Variants in OSMR observed in about 807,000 individuals in gnomAD.
OSMR encodes the protein oncostatin-M-specific receptor subunit beta.
A neutral mutation model predicts 99.9 loss-of-function variants in OSMR; 81 were observed. The observed-to-expected ratio is 0.81, with a 90% CI of 0.68 to 0.97. OSMR has a LOEUF of 0.97. OSMR is among the 50% of genes least tolerant of loss of function. The pLI is 0.00. For missense variants in OSMR, 1,099 were observed against 1,153.4 expected (o/e 0.95, Z 0.68); for synonymous variants, 406 against 410.4 (o/e 0.99, Z 0.13).
chr5:38,881,960 A>C (rs753353972), intron 4 of OSMR, among the ~76,000 whole-genome samples, 196 bp downstream of exon 4: 2 of 152,240 alleles, frequency 1.3e-5, no homozygotes, highest in African/African-American at 2.4e-5. Flanking sequence ...CTTGCTCCTG[A>C]ACTTACTCAT....
chr5:38,878,489 G>T lies in OSMR; in HGVS notation c.246+2116G>T, dbSNP rs528405895. Among the ~76,000 whole-genome samples the T allele has an allele frequency of 1.3e-4, 20 of 152,268 alleles. No individual in the cohort carries two copies. The South Asian group carries it at 3.9e-3, about 30-fold the overall frequency. On this transcript the variant is annotated intron_variant, in intron 3 of 17. Transcript: ENST00000274276. ...GGCCATTTGGAACCCTGAACTGCAT[G>T]GTCCTGCCCTCCTGGGTCATGGTCC...
At chr5:38,925,092 G>A in intron 14 of OSMR, 112 bp from the exon 15 acceptor site, 1 of 1,542,902 alleles carries the variant, frequency 6.5e-7, no homozygotes, top group Non-Finnish European at 8.7e-7. Context: ...AAACATGTTG[G>A]TGGTGCTGAG....
chr5:38,872,546 A>C (rs935502103), intron 2 of OSMR, among the ~76,000 whole-genome samples: 1 of 152,218 alleles, frequency 6.6e-6, no homozygotes, highest in African/African-American at 2.4e-5. Context: ...GAGGAATTGC[A>C]CATTCTGAGG....
At position 38,881,497 on chromosome 5, in the gene OSMR, T is replaced by C. The variant is rs180895008; in HGVS notation, c.247-96T>C. On this transcript the variant is annotated intron_variant, in intron 3 of 17. Transcript: ENST00000274276. ...ACTGGCACATATCGTGGACCTGCAA[T>C]GGGGTCTTAGGTTTGTGCTTTGGGA... 2.0e-4 allele frequency: 319 copies of C among 1,609,542 alleles called. 1 individual carries two copies. In the African/African-American group the frequency reaches 3.7e-3, roughly 19 times the overall value.
intron 7 of OSMR, among the ~76,000 whole-genome samples, chr5:38,889,840 T>C (rs1744036545): frequency 6.6e-6 from 1 of 152,224 alleles, no homozygotes; most frequent in African/African-American, 2.4e-5. Flanking sequence ...TGTTTTCTTC[T>C]ACTTTCTTGG....
chr5:38,911,185 G>A (rs2112586092), intron 9 of OSMR, among the ~76,000 whole-genome samples: 1 of 152,192 alleles, frequency 6.6e-6, no homozygotes, highest in East Asian at 1.9e-4. Context: ...CATAGATCAC[G>A]ACCTAGACTA....
chr5:38,862,047 C>T (rs1438737223), intron 1 of OSMR, among the ~76,000 whole-genome samples: 35 of 89,508 alleles, frequency 3.9e-4, no homozygotes, highest in South Asian at 1.3e-3. Context: ...TAGGGGCGGC[C>T]GGGCAGAGGC....
intron 3 of OSMR, among the ~76,000 whole-genome samples, chr5:38,879,822 C>T (rs1293821403): frequency 6.6e-6 from 1 of 152,138 alleles, no homozygotes; most frequent in South Asian, 2.1e-4. Context: ...TGGGGTTTCA[C>T]CATGTTGGTC....
chr5:38,895,326 A>G (rs1744437351), intron 7 of OSMR, among the ~76,000 whole-genome samples: 1 of 152,114 alleles, frequency 6.6e-6, no homozygotes, highest in Non-Finnish European at 1.5e-5. Flanking sequence ...TTTTGAAAGG[A>G]TAAACAGGAT....
intron 3 of OSMR, among the ~76,000 whole-genome samples, chr5:38,880,072 T>C (rs1158608997): frequency 6.6e-6 from 1 of 152,134 alleles, no homozygotes; most frequent in African/African-American, 2.4e-5. Context: ...AAACACAGTC[T>C]GCAGAGAGTG....
chr5:38,862,511 T>C lies in OSMR; in HGVS notation c.-13-6521T>C, dbSNP rs866112194. On this transcript the variant is annotated intron_variant, in intron 1 of 17. Coordinates refer to ENST00000274276, the MANE Select transcript of OSMR (RefSeq NM_003999.3). ...GGTGGCTGCCGGGCGGAGGGGCTCC[T>C]CACTTCTCAGACGGGGCAGTTGCCG... Among the ~76,000 whole-genome samples, 141 of 150,174 alleles carry C rather than the reference T, an allele frequency of 9.4e-4. No individual in the cohort carries two copies. In the Middle Eastern group the frequency reaches 0.01, roughly 11 times the overall value.
intron 13 of OSMR, 62 bp from the exon 14 acceptor site, chr5:38,924,360 A>G: frequency 2.5e-6 from 4 of 1,611,540 alleles, no homozygotes; most frequent in Middle Eastern, 1.7e-4. Flanking sequence ...ATTAGTTGAC[A>G]TGAATATTCT....
chr5:38,932,330 T>C, intron 16 of OSMR, 133 bp from the exon 17 acceptor site: 2 of 721,104 alleles, frequency 2.8e-6, no homozygotes, highest in Non-Finnish European at 5.1e-6. Context: ...AATTAAAGCA[T>C]GGAAGAATTA....
chr5:38,877,105 C>T (rs1742900633), intron 3 of OSMR, among the ~76,000 whole-genome samples: 1 of 152,102 alleles, frequency 6.6e-6, no homozygotes, highest in African/African-American at 2.4e-5. Flanking sequence ...AATCTATATG[C>T]ACATAATGTT....
In OSMR at chr5:38,883,936, T is replaced by C. The variant is rs563322211; in HGVS notation, c.528T>C (p.Asn176=). 3 of 1,613,758 alleles carry C rather than the reference T, an allele frequency of 1.9e-6. No homozygotes were observed. Among genetic ancestry groups the C allele is most frequent in the East Asian group, 4.5e-5 (2 of 44,870 alleles). Reference sequence around the variant, plus strand: ...ACGTTTCTAGGAACATTCAAAATAATGTATCCTGTTATTTGGAAGGGAAAC... The same window carrying C: ...ACGTTTCTAGGAACATTCAAAATAACGTATCCTGTTATTTGGAAGGGAAAC... The part of the protein sequence containing the change: ...ICYVSRNIQN[N]VSCYLEGKQI... Residue 176 remains asparagine (N), a synonymous_variant, in exon 5 of 18, where the codon AAT becomes AAC. Transcript: ENST00000274276.
downstream of OSMR, chr5:38,938,392 AT>A (rs993886877): frequency 3.0e-5 from 7 of 230,442 alleles, no homozygotes; most frequent in Non-Finnish European, 5.2e-5. Flanking sequence ...TACCTATAAA[AT>A]TTTTTTCACT....
chr5:38,882,279 A>G (rs942903982), intron 4 of OSMR, among the ~76,000 whole-genome samples: 1 of 152,164 alleles, frequency 6.6e-6, no homozygotes, highest in African/African-American at 2.4e-5. Flanking sequence ...ATAGAAATTT[A>G]TTTACAGAAA....
intron 9 of OSMR, among the ~76,000 whole-genome samples, chr5:38,909,564 T>C (rs891670939): frequency 6.6e-6 from 1 of 152,142 alleles, no homozygotes; most frequent in African/African-American, 2.4e-5. Context: ...CCAAAAGAGA[T>C]TGGGGCCTGT....
Position 38,885,287 on chromosome 5 carries a change from T to C in OSMR, c.704-62T>C, listed in dbSNP as rs1001968791. The stretch of plus-strand genomic sequence containing the variant: ...TGGCTTCAGACTCTAAACAGAGCTT[T>C]CCATTTGGCTTATCTTCCAATAAAA... On this transcript the variant is annotated intron_variant, in intron 5 of 17. Coordinates refer to ENST00000274276, the MANE Select transcript of OSMR (RefSeq NM_003999.3). 12 of 1,609,290 alleles carry C rather than the reference T, an allele frequency of 7.5e-6. No homozygotes were observed. The Admixed American group carries it at 1.8e-4, about 25-fold the overall frequency.
Sources: allele counts gnomAD v4.1 joint callset (sites outside exome capture counted in the v4.1 genomes callset), GRCh38; gene constraint gnomAD v4.1.1; transcripts MANE v1.5; gene names NCBI Gene and HGNC (gene_info 2026-07-23, HGNC 2026-07-21).